PDE2A: variants seen among roughly 807,000 people sequenced by gnomAD.
The protein encoded by PDE2A is cGMP-dependent 3',5'-cyclic phosphodiesterase.
A neutral mutation model predicts 133.6 loss-of-function variants in PDE2A; 53 were observed. The ratio of observed to expected loss-of-function variants is 0.40; its 90% CI spans 0.32 to 0.50. The LOEUF (loss-of-function observed/expected upper bound fraction) is 0.50. Among genes scored for constraint, PDE2A ranks in the 20% least tolerant of loss-of-function variants. The probability of loss-of-function intolerance (pLI) is 0.73; values close to 1 mark genes in which losing one functional copy is unlikely to be tolerated. For missense variants in PDE2A, 796 were observed against 1,232.4 expected (o/e 0.65, Z 5.30); for synonymous variants, 491 against 490.2 (o/e 1.00, Z -0.02).
At chr11:72,634,166 G>A (rs1003402607) in intron 2 of PDE2A, among the ~76,000 whole-genome samples, 1 of 152,144 alleles carries the variant, frequency 6.6e-6, no homozygotes, top group Non-Finnish European at 1.5e-5. Context: ...GAGGGAAGGG[G>A]CAGCAGGAGG....
At chr11:72,634,735 G>A (rs1858595804) in intron 2 of PDE2A, among the ~76,000 whole-genome samples, 1 of 152,244 alleles carries the variant, frequency 6.6e-6, no homozygotes, top group Non-Finnish European at 1.5e-5. Context: ...GCACACAGGG[G>A]AGGACCTGTC....
chr11:72,671,764 G>A (rs558633085), intron 1 of PDE2A, among the ~76,000 whole-genome samples: 37 of 152,288 alleles, frequency 2.4e-4, no homozygotes, highest in African/African-American at 8.9e-4. Flanking sequence ...CAGCCTTGCA[G>A]CCAAAGGGTA....
Position 72,578,971 on chromosome 11 carries a change from G to C in PDE2A, c.2395C>G (p.Leu799Val). ...DRNNKQHHRL[L>V]LCLLMTSCDL... ...CAGGAGGTCATGAGGAGGCAGAGGAGAAGTCTGTGGTGCTGCTTGTTGTTT... is the reference window on the plus strand; with the variant it reads ...CAGGAGGTCATGAGGAGGCAGAGGACAAGTCTGTGGTGCTGCTTGTTGTTT... The change falls in exon 28 of 31, where the codon CTC becomes GTC. Residue 799 changes from leucine to valine, a missense_variant. Around this residue, in one of 7 missense-constraint regions of PDE2A, gnomAD observed 19 missense variants for 16.0 expected, o/e 1.18. Transcript: ENST00000334456. This position sits in a 1 kb window ranked among gnomAD's most constrained non-coding sequence, Gnocchi z 4.2. The C allele has an allele frequency of 1.9e-6, 3 of 1,614,018 alleles. No homozygotes were observed. The highest frequency in any genetic ancestry group is 2.5e-6 in the Non-Finnish European group (3 of 1,179,834).
Position 72,577,738 on chromosome 11 carries a change from C to T in PDE2A, c.2616-144G>A, listed in dbSNP as rs1038183312. 218 of 640,074 alleles carry T rather than the reference C, an allele frequency of 3.4e-4. 1 individual carries two copies. The Middle Eastern group carries it at 8.3e-3, about 24-fold the overall frequency. 39.6% of individuals were successfully genotyped at this position (640,074 alleles called of 1,614,324 possible). A position where few individuals can be genotyped will look rare whatever the true frequency, so the allele number is the denominator to read the frequency against. On this transcript the variant is annotated intron_variant, in intron 30 of 30. Coordinates refer to ENST00000334456, the MANE Select transcript of PDE2A (RefSeq NM_002599.5). ...CTGTAATCCCAACACTCAGAGATGC[C>T]GAGGTGTGTGGATCACCTGAAGTCA...
At chr11:72,607,244 T>C (rs1403589552) in intron 3 of PDE2A, among the ~76,000 whole-genome samples, 1 of 152,148 alleles carries the variant, frequency 6.6e-6, no homozygotes, top group African/African-American at 2.4e-5. Flanking sequence ...GGGGAGACAA[T>C]TAATCTGTTG....
intron 1 of PDE2A, among the ~76,000 whole-genome samples, chr11:72,651,973 C>T (rs1021615244): frequency 1.3e-5 from 2 of 152,332 alleles, no homozygotes; most frequent in Non-Finnish European, 2.9e-5. Context: ...CTGATCTCTA[C>T]GATGACAGAG....
At chr11:72,608,357 G>A (rs1857061112) in intron 3 of PDE2A, among the ~76,000 whole-genome samples, 1 of 150,282 alleles carries the variant, frequency 6.7e-6, no homozygotes, top group Admixed American at 6.6e-5. Flanking sequence ...ACCACGTCCT[G>A]TTATCCTAGG....
At position 72,601,575 on chromosome 11, in the gene PDE2A, G is replaced by A. The variant is rs1371739016; in HGVS notation, c.323+3563C>T. Among the ~76,000 whole-genome samples, 4 of 152,162 alleles carry A rather than the reference G, an allele frequency of 2.6e-5. No homozygotes were observed. In the East Asian group the frequency reaches 5.8e-4, roughly 22 times the overall value. On this transcript the variant is annotated intron_variant, in intron 4 of 30. Transcript: ENST00000334456. Reference sequence around the variant, plus strand: ...CAGAGGGAGACAGCCAGCCTGGGCCGAGGTGGGCGGTGGGTGCTTCAGTTG... The same window carrying A: ...CAGAGGGAGACAGCCAGCCTGGGCCAAGGTGGGCGGTGGGTGCTTCAGTTG...
In PDE2A at chr11:72,605,230, G is replaced by A. The variant is rs1298298213; in HGVS notation, c.235-4C>T. 3.8e-6 allele frequency: 6 copies of A among 1,595,610 alleles called. No homozygotes were observed. In the African/African-American group the frequency reaches 8.0e-5, roughly 21 times the overall value. On this transcript the variant is annotated splice_polypyrimidine_tract_variant and splice_region_variant and intron_variant, in intron 3 of 30. Transcript: ENST00000334456. ...GTAGGTAGGTGTAGACAGTTTCCTA[G>A]GACAGAAGGCACTTATGAGACCCTG...
chr11:72,632,435 T>C (rs1858452833), intron 2 of PDE2A, among the ~76,000 whole-genome samples: 1 of 152,110 alleles, frequency 6.6e-6, no homozygotes, highest in African/African-American at 2.4e-5. Flanking sequence ...TCTCCGGCAG[T>C]GACTGTGGTG....
chr11:72,657,464 C>T (rs999004428), intron 1 of PDE2A, among the ~76,000 whole-genome samples: 2 of 152,196 alleles, frequency 1.3e-5, no homozygotes, highest in African/African-American at 2.4e-5. Flanking sequence ...CCCCATGCCC[C>T]GGCCCCTGCC....
intron 2 of PDE2A, among the ~76,000 whole-genome samples, chr11:72,627,989 A>G (rs982024670): frequency 6.6e-6 from 1 of 152,228 alleles, no homozygotes; most frequent in Non-Finnish European, 1.5e-5. Context: ...CCATCCCAGG[A>G]GGGTGTGCTG....
chr11:72,619,920 G>A (rs77898644), intron 2 of PDE2A, among the ~76,000 whole-genome samples: 4,570 of 152,164 alleles, frequency 0.03, 236 homozygotes, highest in African/African-American at 0.1. Context: ...AGATTAAGCT[G>A]AGCCATCAAA....
At chr11:72,624,812 C>T (rs1302990717) in intron 2 of PDE2A, among the ~76,000 whole-genome samples, 1 of 152,228 alleles carries the variant, frequency 6.6e-6, no homozygotes, top group African/African-American at 2.4e-5. Flanking sequence ...GCCTCACAGC[C>T]AGTGTCACAT....
intron 1 of PDE2A, among the ~76,000 whole-genome samples, chr11:72,652,988 G>C (rs775050921): frequency 1.3e-5 from 2 of 152,220 alleles, no homozygotes; most frequent in Non-Finnish European, 2.9e-5. Flanking sequence ...TTGATCAAAA[G>C]GCACTCGCTC....
At chr11:72,582,315 T>C (rs1855759357) in intron 21 of PDE2A, 129 bp downstream of exon 21, 2 of 907,088 alleles carry the variant, frequency 2.2e-6, no homozygotes, top group South Asian at 3.3e-5. Context: ...AGCCCCTCCA[T>C]CTCTGAGGGA....
At chr11:72,582,639 G>A in intron 20 of PDE2A, 73 bp from the exon 21 acceptor site, 1 of 1,434,856 alleles carries the variant, frequency 7.0e-7, no homozygotes, top group Non-Finnish European at 9.5e-7. Context: ...AAATTCCCAT[G>A]GCAGGTGGGG....
chr11:72,593,884 CGT>C (rs1156912343), intron 6 of PDE2A, among the ~76,000 whole-genome samples: 4 of 152,230 alleles, frequency 2.6e-5, no homozygotes, highest in Non-Finnish European at 5.9e-5. Flanking sequence ...CTTGCCATCA[CGT>C]GTGATCCTAT....
intron 1 of PDE2A, chr11:72,652,819 C>T (rs1476649647): frequency 1.7e-5 from 7 of 420,932 alleles, no homozygotes; most frequent in South Asian, 1.0e-4. Flanking sequence ...GGGAAAAGAG[C>T]CCAGGGCCTC....
Sources: gnomAD v4.1 joint callset for allele counts (sites outside exome capture counted in the v4.1 genomes callset) on GRCh38, gnomAD v4.1.1 for gene constraint, gnomAD v4.1.1 regional missense constraint, Gnocchi (gnomAD v3.1) non-coding constraint, MANE v1.5 for transcripts, NCBI Gene and HGNC (gene_info 2026-07-23, HGNC 2026-07-21) for gene names.